N4BP2: variants seen among roughly 807,000 people sequenced by gnomAD.
N4BP2 encodes the protein NEDD4 binding protein 2, also known as NEDD4-binding protein 2.
N4BP2 carries 91 observed loss-of-function variants against 152.8 expected under a neutral mutation model. The ratio of observed to expected loss-of-function variants is 0.60; its 90% CI spans 0.50 to 0.71. The LOEUF (loss-of-function observed/expected upper bound fraction) is 0.71, where lower values mean the gene tolerates loss of function less well. Ranked by LOEUF, N4BP2 falls within the 30% of genes least tolerant of loss-of-function variation. The pLI is 0.00. For synonymous variants in N4BP2, 646 were observed against 705.3 expected (o/e 0.92, Z 1.33); for missense variants, 1,923 against 2,059.1 (o/e 0.93, Z 1.28).
chr4:40,123,294 T>C, intron 10 of N4BP2, 82 bp downstream of exon 10: 6 of 915,070 alleles, frequency 6.6e-6, no homozygotes, highest in Non-Finnish European at 1.0e-5. Flanking sequence ...CCACATAATA[T>C]TAAGGAGTTC....
At chr4:40,145,298 A>G (rs1720413686) in intron 16 of N4BP2, among the ~76,000 whole-genome samples, 1 of 151,756 alleles carries the variant, frequency 6.6e-6, no homozygotes, top group South Asian at 2.1e-4. Flanking sequence ...ATCTCGGTTC[A>G]CTGCAACCTC....
chr4:40,163,463 A>G, the N4BP2 span, among the ~76,000 whole-genome samples: 1 of 152,244 alleles, frequency 6.6e-6, no homozygotes. Context: ...TCCCCTTGCC[A>G]GTGATTAGTT....
intron 1 of N4BP2, among the ~76,000 whole-genome samples, chr4:40,061,493 T>A (rs2109882880): frequency 6.6e-6 from 1 of 151,976 alleles, no homozygotes; most frequent in African/African-American, 2.4e-5. Flanking sequence ...GCCTCCCAAG[T>A]AGCTGGGATT....
At chr4:40,103,820 G>GAGA (rs1715943755) in intron 4 of N4BP2, among the ~76,000 whole-genome samples, 1 of 152,116 alleles carries the variant, frequency 6.6e-6, no homozygotes, top group Admixed American at 6.5e-5. Context: ...CTTAATCTGG[G>GAGA]AGACAGGAGT....
chr4:40,113,880 C>A (rs114793990), intron 7 of N4BP2, among the ~76,000 whole-genome samples: 2,861 of 152,234 alleles, frequency 0.019, 100 homozygotes, highest in African/African-American at 0.066. Context: ...GTGTGAGCCA[C>A]CATGCCCAGC....
intron 14 of N4BP2, among the ~76,000 whole-genome samples, chr4:40,141,352 G>A (rs1255584605): frequency 2.6e-5 from 4 of 151,084 alleles, no homozygotes; most frequent in African/African-American, 9.8e-5. Flanking sequence ...CGGGCGGAGG[G>A]TCTCCTCACT....
chr4:40,142,645 G>T, intron 14 of N4BP2, 28 bp from the exon 15 acceptor site: 2 of 1,495,584 alleles, frequency 1.3e-6, no homozygotes, highest in Non-Finnish European at 1.8e-6. Flanking sequence ...CTTTCTGTGT[G>T]TGTTACTTAT....
intron 3 of N4BP2, among the ~76,000 whole-genome samples, chr4:40,098,865 G>A (rs988000035): frequency 6.6e-6 from 1 of 152,152 alleles, no homozygotes; most frequent in African/African-American, 2.4e-5. Flanking sequence ...AAGCATTTGA[G>A]ATTTGAGTGG....
At chr4:40,106,760 G>T in intron 4 of N4BP2, 140 bp from the exon 5 acceptor site, 2 of 695,938 alleles carry the variant, frequency 2.9e-6, no homozygotes, top group South Asian at 3.9e-5. Flanking sequence ...TGTTGGCCAG[G>T]CTGGCCTTGA....
At chr4:40,188,732 G>A in the N4BP2 span, among the ~76,000 whole-genome samples, 2 of 120,106 alleles carry the variant, frequency 1.7e-5, no homozygotes, top group South Asian at 3.1e-4. Context: ...GTGACAGAGT[G>A]AGACTCCATC....
intron 1 of N4BP2, among the ~76,000 whole-genome samples, chr4:40,068,724 G>A (rs1398186960): frequency 6.6e-6 from 1 of 152,150 alleles, no homozygotes; most frequent in African/African-American, 2.4e-5. Flanking sequence ...GCTCTGTAAT[G>A]TAAGGTGTTT....
At chr4:40,110,771 C>CA (rs929261601) in intron 5 of N4BP2, among the ~76,000 whole-genome samples, 3 of 152,166 alleles carry the variant, frequency 2.0e-5, no homozygotes, top group African/African-American at 7.2e-5. Flanking sequence ...CTCCTAACCT[C>CA]AGGTGATCCG....
chr4:40,187,833 T>G, the N4BP2 span, among the ~76,000 whole-genome samples: 5 of 152,196 alleles, frequency 3.3e-5, no homozygotes, highest in African/African-American at 1.2e-4. Flanking sequence ...TGTGCGTTAG[T>G]GGGTGGAATT....
intron 1 of N4BP2, among the ~76,000 whole-genome samples, chr4:40,070,960 G>T (rs1056340458): frequency 6.6e-6 from 1 of 151,840 alleles, no homozygotes; most frequent in African/African-American, 2.4e-5. Flanking sequence ...AAATAGCTGG[G>T]ATTACAGGTG....
At position 40,086,382 on chromosome 4, in the gene N4BP2, G is replaced by T. The variant is rs192839214; in HGVS notation, c.-114-10845G>T. On this transcript the variant is annotated intron_variant, in intron 2 of 17. Coordinates refer to ENST00000261435, the MANE Select transcript of N4BP2 (RefSeq NM_018177.6). ...AGACGAAGTCTTACCCTGTCACCCA[G>T]GCTGGAGTGCAGTGGCATGATGTTG... is the stretch of plus-strand genomic sequence containing the variant. Among the ~76,000 whole-genome samples the T allele has an allele frequency of 4.4e-3, 665 of 151,864 alleles. 8 individuals carry two copies. The highest frequency in any genetic ancestry group is 2.7e-3 in the Non-Finnish European group (180 of 67,922).
downstream of N4BP2, among the ~76,000 whole-genome samples, chr4:40,159,593 T>G (rs1005034333): frequency 4.6e-5 from 7 of 152,070 alleles, no homozygotes; most frequent in African/African-American, 7.2e-5. Flanking sequence ...TTAAAGATGG[T>G]TTTTGGAACC....
intron 9 of N4BP2, among the ~76,000 whole-genome samples, chr4:40,122,525 C>T (rs1718036603): frequency 6.6e-6 from 1 of 152,134 alleles, no homozygotes; most frequent in South Asian, 2.1e-4. Flanking sequence ...AGGCATGTGC[C>T]ACCGTACCTG....
chr4:40,185,239 G>A, the N4BP2 span, among the ~76,000 whole-genome samples: 341 of 152,304 alleles, frequency 2.2e-3, no homozygotes, highest in African/African-American at 7.0e-3. Context: ...GTGGCCTTAT[G>A]TAAGTTGCTT....
At chr4:40,085,297 A>G (rs969509800) in intron 2 of N4BP2, among the ~76,000 whole-genome samples, 3 of 152,098 alleles carry the variant, frequency 2.0e-5, no homozygotes, top group Non-Finnish European at 4.4e-5. Flanking sequence ...CAGCCTCCCA[A>G]AGTGCTGGGA....
Sources: allele counts gnomAD v4.1 joint callset (sites outside exome capture counted in the v4.1 genomes callset), GRCh38; gene constraint gnomAD v4.1.1; transcripts MANE v1.5; gene names NCBI Gene and HGNC (gene_info 2026-07-23, HGNC 2026-07-21).